DGKI: variants seen among roughly 807,000 people sequenced by gnomAD.
DGKI encodes diacylglycerol kinase iota, also known as DAG kinase iota.
DGKI carries 55 observed loss-of-function variants against 147.5 expected under a neutral mutation model. The observed-to-expected ratio is 0.37, with a 90% CI of 0.30 to 0.47. DGKI has a LOEUF of 0.47. Ranked by LOEUF, DGKI falls within the 20% of genes least tolerant of loss-of-function variation. The pLI is 1.00. For missense variants in DGKI, 1,007 were observed against 1,323.8 expected (o/e 0.76, Z 3.71); for synonymous variants, 469 against 477.1 (o/e 0.98, Z 0.22).
At chr7:137,433,088 G>A (rs1057213446) in intron 28 of DGKI, among the ~76,000 whole-genome samples, 4 of 152,174 alleles carry the variant, frequency 2.6e-5, no homozygotes, top group African/African-American at 9.7e-5. Flanking sequence ...AACAAGTCTG[G>A]CAAAACAAGG....
intron 19 of DGKI, among the ~76,000 whole-genome samples, chr7:137,563,519 G>A (rs1818485559): frequency 6.6e-6 from 1 of 151,902 alleles, no homozygotes. Flanking sequence ...AATTGTGGTT[G>A]CAGAAAAACC....
intron 1 of DGKI, among the ~76,000 whole-genome samples, chr7:137,818,273 C>T (rs907514758): frequency 6.6e-6 from 1 of 152,178 alleles, no homozygotes; most frequent in East Asian, 1.9e-4. Context: ...GTTCAATAAG[C>T]ATAAACTAAT....
chr7:137,687,161 G>C (rs898584401), intron 2 of DGKI, among the ~76,000 whole-genome samples: 1 of 152,078 alleles, frequency 6.6e-6, no homozygotes, highest in Non-Finnish European at 1.5e-5. Context: ...GTCCCTGCTG[G>C]ACCCCATCTG....
intron 6 of DGKI, among the ~76,000 whole-genome samples, chr7:137,635,974 C>T (rs1254894909): frequency 6.6e-6 from 1 of 152,128 alleles, no homozygotes; most frequent in African/African-American, 2.4e-5. Context: ...TACTGCTGCA[C>T]CCAGTTACTT....
At chr7:137,564,909 C>T (rs920074788) in intron 19 of DGKI, among the ~76,000 whole-genome samples, 3 of 152,252 alleles carry the variant, frequency 2.0e-5, no homozygotes, top group Admixed American at 6.5e-5. Flanking sequence ...CCGCCCCCAC[C>T]GCCACAGTCG....
intron 21 of DGKI, among the ~76,000 whole-genome samples, chr7:137,505,281 C>T (rs1187385085): frequency 6.6e-6 from 1 of 152,148 alleles, no homozygotes; most frequent in Non-Finnish European, 1.5e-5. Context: ...GATGCCTTCT[C>T]CTTATGATAC....
At chr7:137,712,710 C>T (rs1299924791) in intron 1 of DGKI, among the ~76,000 whole-genome samples, 1 of 152,040 alleles carries the variant, frequency 6.6e-6, no homozygotes, top group South Asian at 2.1e-4. Flanking sequence ...TGTTAATAGT[C>T]GTCATATTTT....
At chr7:137,791,763 C>A (rs532084936) in intron 1 of DGKI, among the ~76,000 whole-genome samples, 70 of 152,318 alleles carry the variant, frequency 4.6e-4, no homozygotes, top group African/African-American at 1.7e-3. Context: ...CTGACATTTG[C>A]TTCAGAGAAT....
intron 20 of DGKI, 124 bp downstream of exon 20, chr7:137,552,244 AC>A: frequency 1.1e-6 from 1 of 893,164 alleles, no homozygotes; most frequent in Admixed American, 2.5e-5. Flanking sequence ...AAACCAAGGA[AC>A]TACTGAGTCT....
At chr7:137,782,846 C>T (rs1231857031) in intron 1 of DGKI, among the ~76,000 whole-genome samples, 2 of 152,214 alleles carry the variant, frequency 1.3e-5, no homozygotes, top group Admixed American at 6.5e-5. Flanking sequence ...AGTACCAGCT[C>T]AGAGCTCTGT....
chr7:137,588,148 C>T (rs535883536), intron 12 of DGKI, among the ~76,000 whole-genome samples: 19 of 152,208 alleles, frequency 1.2e-4, no homozygotes, highest in Admixed American at 2.0e-4. Flanking sequence ...TCTCATAGGA[C>T]GTTGATCAGT....
At chr7:137,635,082 A>G (rs1397163443) in intron 6 of DGKI, among the ~76,000 whole-genome samples, 1 of 152,310 alleles carries the variant, frequency 6.6e-6, no homozygotes, top group African/African-American at 2.4e-5. Context: ...ATTAATTCCT[A>G]CCAGAGAGCT....
chr7:137,656,255 G>T (rs1352362034), intron 4 of DGKI, among the ~76,000 whole-genome samples: 5 of 152,140 alleles, frequency 3.3e-5, no homozygotes, highest in African/African-American at 1.2e-4. Flanking sequence ...AAGAGTCAAC[G>T]TAAAATGATA....
chr7:137,414,671 T>C (rs1196062377), intron 28 of DGKI, among the ~76,000 whole-genome samples: 1 of 152,188 alleles, frequency 6.6e-6, no homozygotes, highest in Non-Finnish European at 1.5e-5. Context: ...AGACCCTGTG[T>C]GAGCCTGTGT....
At chr7:137,426,467 G>A (rs1171628904) in intron 28 of DGKI, among the ~76,000 whole-genome samples, 15 of 152,098 alleles carry the variant, frequency 9.9e-5, no homozygotes, top group Non-Finnish European at 1.0e-4. Flanking sequence ...AAAGACCATC[G>A]AGGCTAGGAA....
At chr7:137,605,754 A>G (rs1820162881) in intron 10 of DGKI, among the ~76,000 whole-genome samples, 1 of 152,234 alleles carries the variant, frequency 6.6e-6, no homozygotes, top group African/African-American at 2.4e-5. Context: ...AGTAGAGCTA[A>G]GAAAGTGGAT....
At chr7:137,671,368 A>G (rs753802376) in intron 3 of DGKI, among the ~76,000 whole-genome samples, 1 of 152,190 alleles carries the variant, frequency 6.6e-6, no homozygotes, top group Non-Finnish European at 1.5e-5. Flanking sequence ...ATGACTTGGT[A>G]AGAATATGGA....
chr7:137,462,720 G>A (rs1412386846), intron 27 of DGKI, among the ~76,000 whole-genome samples: 5 of 152,104 alleles, frequency 3.3e-5, no homozygotes, highest in Non-Finnish European at 7.4e-5. Context: ...CAGGTAAACT[G>A]GAAACCAGCC....
intron 6 of DGKI, among the ~76,000 whole-genome samples, chr7:137,633,232 A>AAGC (rs1197822671): frequency 1.3e-5 from 2 of 151,482 alleles, no homozygotes; most frequent in African/African-American, 4.9e-5. Flanking sequence ...AAAAAAAAAA[A>AAGC]AGCAGGAGTC....
Sources: allele counts gnomAD v4.1 joint callset (sites outside exome capture counted in the v4.1 genomes callset), GRCh38; gene constraint gnomAD v4.1.1; transcripts MANE v1.5; gene names NCBI Gene and HGNC (gene_info 2026-07-23, HGNC 2026-07-21).